Variants in UBR4 observed in about 807,000 individuals in gnomAD.
The protein encoded by UBR4 is ubiquitin protein ligase E3 component n-recognin 4, also known as E3 ubiquitin-protein ligase UBR4.
In UBR4, 124 loss-of-function variants were observed where a neutral mutation model predicts 575.6. The ratio of observed to expected loss-of-function variants is 0.22; its 90% CI spans 0.19 to 0.25. UBR4 has a LOEUF of 0.25. Among genes scored for constraint, UBR4 ranks in the 10% least tolerant of loss-of-function variants. The pLI is 1.00. For missense variants in UBR4, 4,818 were observed against 6,478.8 expected, an observed-to-expected ratio of 0.74 and a Z score of 8.80; for synonymous variants, 2,455 against 2,473.7, an observed-to-expected ratio of 0.99 and a Z score of 0.22.
At chr1:19,162,362 T>A (rs2087524651) in intron 35 of UBR4, 58 bp downstream of exon 35, 1 of 1,552,476 alleles carries the variant, frequency 6.4e-7, no homozygotes, top group Non-Finnish European at 8.7e-7. Context: ...AAAAGCTTGG[T>A]ACCATGCCAG....
chr1:19,182,915 TAC>T, intron 17 of UBR4, among the ~76,000 whole-genome samples: 1 of 83,478 alleles, frequency 1.2e-5, no homozygotes, highest in Non-Finnish European at 2.9e-5. Context: ...TATATGTACA[TAC>T]ACATACATAT....
chr1:19,077,045 G>A (rs563759155), intron 104 of UBR4, 143 bp from the exon 105 acceptor site: 53 of 831,030 alleles, frequency 6.4e-5, no homozygotes, highest in Middle Eastern at 3.4e-4. Flanking sequence ...ACCCTAGAGC[G>A]TGCGTTTTGT....
In UBR4 at chr1:19,161,081, C is replaced by G. The variant is rs2087267242; in HGVS notation, c.5242G>C (p.Glu1748Gln). Residue 1748 changes from glutamate (E) to glutamine (Q), a missense_variant, in exon 38 of 106, where the codon GAA becomes CAA. This residue lies in a region of UBR4 where 159 missense variants were observed against 174.6 expected (regional missense o/e 0.91). Transcript: ENST00000375254. ...ACTAGACTCTCTGAAATCCTGGGTT[C>G]ACTCTGAAATGCCGACTCCTTCATG... ...STMKESAFQSEPRISESLVRH... is the reference protein window; with the variant it reads ...STMKESAFQSQPRISESLVRH... The G allele has an allele frequency of 6.2e-7, 1 of 1,614,114 alleles. No homozygotes were observed. Among genetic ancestry groups the G allele is most frequent in the Non-Finnish European group, 8.5e-7 (1 of 1,180,006 alleles).
At chr1:19,075,089 C>T (rs530625449) in intron 105 of UBR4, 193 bp from the exon 106 acceptor site, 1 of 623,522 alleles carries the variant, frequency 1.6e-6, no homozygotes, top group Non-Finnish European at 2.9e-6. Flanking sequence ...GAGTCCTGTT[C>T]CAGAAGCAGG....
At chr1:19,086,529 C>CT in intron 100 of UBR4, 150 bp downstream of exon 100, 1 of 1,251,564 alleles carries the variant, frequency 8.0e-7, no homozygotes, top group East Asian at 2.4e-5. Flanking sequence ...ATTCAAATAA[C>CT]TGCTTGGGGA....
intron 18 of UBR4, among the ~76,000 whole-genome samples, chr1:19,178,355 T>A (rs754015846): frequency 2.0e-5 from 3 of 152,150 alleles, no homozygotes; most frequent in Admixed American, 6.6e-5. Flanking sequence ...TGGAAAGAGA[T>A]TTGTGTTTTA....
Position 19,174,398 on chromosome 1 carries a change from G to A in UBR4, c.2903C>T (p.Ala968Val), listed in dbSNP as rs966304254. 6.2e-7 allele frequency: 1 copy of A among 1,612,882 alleles called. No homozygotes were observed. Among genetic ancestry groups the A allele is most frequent in the African/African-American group, 1.3e-5 (1 of 75,044 alleles). The change falls in exon 22 of 106, where the codon GCT becomes GTT. Residue 968 changes from alanine to valine, a missense_variant. Physicochemically the swap from Ala to Val is moderately conservative, Grantham distance 64. Transcript: ENST00000375254. ...AGCTGCAAGCAGGGCTGTCAGTGCAGCATAAAGCTCATCATACTTGACAAG... is the reference window on the plus strand; with the variant it reads ...AGCTGCAAGCAGGGCTGTCAGTGCAACATAAAGCTCATCATACTTGACAAG... ...SKLVKYDELY[A>V]ALTALLAAGS... is the part of the protein sequence containing the mutation.
intron 62 of UBR4, 34 bp from the exon 63 acceptor site, chr1:19,127,773 C>T (rs150462121): frequency 0.031 from 48,788 of 1,563,312 alleles, 915 homozygotes; most frequent in Middle Eastern, 0.049. Context: ...GAAACCTCTA[C>T]TTACTCGATG....
intron 49 of UBR4, among the ~76,000 whole-genome samples, chr1:19,149,045 A>G (rs2085285208): frequency 6.6e-6 from 1 of 152,244 alleles, no homozygotes. Context: ...TATATTGGAA[A>G]GTTTAAAGCT....
At position 19,088,930 on chromosome 1, in the gene UBR4, C is replaced by G; in HGVS notation, c.14259G>C (p.Gln4753His). Residue 4753 changes from glutamine to histidine, a missense_variant, in exon 98 of 106, where the codon CAG becomes CAC. Gln to His is a conservative substitution (Grantham distance 24). This residue lies in a region of UBR4 where 196 missense variants were observed against 386.8 expected (regional missense o/e 0.51). Coordinates refer to ENST00000375254, the MANE Select transcript of UBR4 (RefSeq NM_020765.3). The surrounding 1 kb of genome is among the most constrained non-coding windows in gnomAD (Gnocchi z 4.0). ...TCCCAATGCCCTCATCACTGGACAC[C>G]TGCTCCAGCTTATGCAGGTTCGGGA... ...DSIPNLHKLE[Q>H]VSSDEGIGTL... 1 of 1,614,252 alleles carries G rather than the reference C, an allele frequency of 6.2e-7. No individual in the cohort carries two copies. The highest frequency in any genetic ancestry group is 8.5e-7 in the Non-Finnish European group (1 of 1,180,046).
rs558431780 is a variant in UBR4 at position 19,154,981 on chromosome 1, A to C, written c.6395T>G (p.Phe2132Cys). 6.2e-7 allele frequency: 1 copy of C among 1,614,212 alleles called. No homozygotes were observed. Among genetic ancestry groups the C allele is most frequent in the South Asian group, 1.1e-5 (1 of 91,082 alleles). ...GGTTGTCCTGCTGATGGTGGCTGCG[A>C]ATGATTTGCCTTGACAATAGCTGAA... ...LFFSYCQGKSFAATISRTTLE... is the reference protein window; with the variant it reads ...LFFSYCQGKSCAATISRTTLE... Residue 2132 changes from phenylalanine to cysteine, a missense_variant, in exon 44 of 106, where the codon TTC becomes TGC. Coordinates refer to ENST00000375254, the MANE Select transcript of UBR4 (RefSeq NM_020765.3).
chr1:19,205,619 A>G (rs1462615045), intron 1 of UBR4, among the ~76,000 whole-genome samples: 1 of 150,304 alleles, frequency 6.7e-6, no homozygotes, highest in Non-Finnish European at 1.5e-5. Flanking sequence ...CACAATCATA[A>G]TCTATCTTTT....
Position 19,169,664 on chromosome 1 carries a change from A to G in UBR4, c.3644-132T>C, listed in dbSNP as rs968718764. ...GTCAAAATAATTAGTAAGATAGCTTAGATAGATATTTCAATAGCAGTACTA... is the reference window on the plus strand; with the variant it reads ...GTCAAAATAATTAGTAAGATAGCTTGGATAGATATTTCAATAGCAGTACTA... On this transcript the variant is annotated intron_variant, in intron 26 of 105. Coordinates refer to ENST00000375254, the MANE Select transcript of UBR4 (RefSeq NM_020765.3). The G allele has an allele frequency of 3.3e-5, 21 of 630,440 alleles. No individual in the cohort carries two copies. In the Admixed American group the frequency reaches 6.4e-4, roughly 19 times the overall value. The allele number at this position is 630,440 out of a possible 1,614,324, so 39.1% of individuals were successfully genotyped here. A position where few individuals can be genotyped will look rare whatever the true frequency, so the allele number is the denominator to read the frequency against.
intron 53 of UBR4, among the ~76,000 whole-genome samples, chr1:19,145,302 C>T (rs746083852): frequency 3.6e-4 from 55 of 152,154 alleles, no homozygotes; most frequent in South Asian, 8.3e-4. Flanking sequence ...ACCCAAATGT[C>T]CTCCAAACAT....
In UBR4 at chr1:19,157,300, T is replaced by C. The variant is rs2086583596; in HGVS notation, c.5761-375A>G. Reference sequence around the variant, plus strand: ...AAAATAAAAGTTAAAACAACATTAGTGGTGATGGAGAGGCCAGAATACAGA... The same window carrying C: ...AAAATAAAAGTTAAAACAACATTAGCGGTGATGGAGAGGCCAGAATACAGA... On this transcript the variant is annotated intron_variant, in intron 40 of 105. Coordinates refer to ENST00000375254, the MANE Select transcript of UBR4 (RefSeq NM_020765.3). The surrounding 1 kb of genome is among the most constrained non-coding windows in gnomAD (Gnocchi z 4.4). 1.3e-5 allele frequency among the ~76,000 whole-genome samples: 2 copies of C among 152,216 alleles called. No homozygotes were observed. The highest frequency in any genetic ancestry group is 2.4e-5 in the African/African-American group (1 of 41,454).
chr1:19,164,115 T>G, intron 33 of UBR4, 138 bp downstream of exon 33: 2 of 980,118 alleles, frequency 2.0e-6, no homozygotes, highest in East Asian at 5.3e-5. Flanking sequence ...CAGAGCTATT[T>G]GCTACCCACC....
At chr1:19,165,613 G>T (rs375415315) in intron 30 of UBR4, 43 bp downstream of exon 30, 3 of 1,569,704 alleles carry the variant, frequency 1.9e-6, no homozygotes, top group African/African-American at 2.7e-5. Context: ...CTTTCAAGAG[G>T]CATTCAAAAA....
rs2077719878 is a variant in UBR4, at chr1:19,093,377, G to C, written c.14047C>G (p.Leu4683Val). The change falls in exon 96 of 106, where the codon CTC becomes GTC. Residue 4683 changes from leucine to valine, a missense_variant. Around this residue, in one of 29 missense-constraint regions of UBR4, gnomAD observed 165 missense variants for 282.3 expected, o/e 0.58. Coordinates refer to ENST00000375254, the MANE Select transcript of UBR4 (RefSeq NM_020765.3). The surrounding 1 kb of genome is among the most constrained non-coding windows in gnomAD (Gnocchi z 4.8). ...SNGHQLKDLILQKGITQNALD... is the reference protein window; with the variant it reads ...SNGHQLKDLIVQKGITQNALD... ...GCATTCTGGGTGATCCCCTTCTGGA[G>C]AATCAGATCCTTCAGCTGGTGCCCA... 6.2e-7 allele frequency: 1 copy of C among 1,614,242 alleles called. No individual in the cohort carries two copies. Among genetic ancestry groups the C allele is most frequent in the East Asian group, 2.2e-5 (1 of 44,884 alleles).
At position 19,119,626 on chromosome 1, in the gene UBR4, A is replaced by G; in HGVS notation, c.10386T>C (p.Gly3462=). 1 of 1,614,088 alleles carries G rather than the reference A, an allele frequency of 6.2e-7. No homozygotes were observed. The highest frequency in any genetic ancestry group is 2.2e-5 in the East Asian group (1 of 44,880). ...WSIWPELPAY[G]RKAAQFVDLL... is the part of the protein sequence containing the mutation. Reference sequence around the variant, plus strand: ...GGTCCACAAACTGGGCAGCCTTACGACCATAGGCTGGGAGTTCTGGCCAGA... The same window carrying G: ...GGTCCACAAACTGGGCAGCCTTACGGCCATAGGCTGGGAGTTCTGGCCAGA... Residue 3462 remains glycine (G), a synonymous_variant, in exon 70 of 106, where the codon GGT becomes GGC. Coordinates refer to ENST00000375254, the MANE Select transcript of UBR4 (RefSeq NM_020765.3).
Sources: gnomAD v4.1 joint callset for allele counts (sites outside exome capture counted in the v4.1 genomes callset) on GRCh38, gnomAD v4.1.1 for gene constraint, gnomAD v4.1.1 regional missense constraint, Gnocchi (gnomAD v3.1) non-coding constraint, MANE v1.5 for transcripts, NCBI Gene and HGNC (gene_info 2026-07-23, HGNC 2026-07-21) for gene names.